Variants in RSPH10B observed in about 807,000 individuals in gnomAD.
RSPH10B encodes radial spoke head 10 homolog B.
A neutral mutation model predicts 52.5 loss-of-function variants in RSPH10B; 7 were observed. The observed-to-expected ratio is 0.13, with a 90% CI of 0.08 to 0.25. The LOEUF is 0.25. Among genes scored for constraint, RSPH10B ranks in the 10% least tolerant of loss-of-function variants. The probability of loss-of-function intolerance (pLI) is 1.00; values close to 1 mark genes in which losing one functional copy is unlikely to be tolerated. For missense variants in RSPH10B, 89 were observed against 542.5 expected (o/e 0.16, Z 8.30); for synonymous variants, 28 against 193.2 (o/e 0.14, Z 7.09).
chr7:5,943,677 A>G lies in RSPH10B; in HGVS notation c.1610-205T>C, dbSNP rs1471961114. Among the ~76,000 whole-genome samples, 8 of 148,938 alleles carry G rather than the reference A, an allele frequency of 5.4e-5. 1 individual carries two copies. Among genetic ancestry groups the G allele is most frequent in the Non-Finnish European group, 4.5e-5 (3 of 67,162 alleles). ...TCCTGCCTCAGCCTCCCGAGTAGCT[A>G]GGATTACAGGCATGCACCACCATAC... On this transcript the variant is annotated intron_variant, in intron 12 of 18. Transcript: ENST00000337579.
At chr7:5,933,015 CTTTTTTTT>C in intron 16 of RSPH10B, 140 bp from the exon 19 acceptor site, 3 of 27,308 alleles carry the variant, frequency 1.1e-4, no homozygotes, top group South Asian at 4.0e-4. Context: ...TTTAATTTGA[CTTTTTTTT>C]TTTTTTTTTT....
At chr7:5,928,356 A>G (rs1359355447) in exon 18 of RSPH10B, 3 of 1,613,112 alleles carry the variant, frequency 1.9e-6, no homozygotes, top group Non-Finnish European at 2.5e-6. Flanking sequence ...CACGTGTTGA[A>G]CTCTTCCTCT....
upstream of RSPH10B, among the ~76,000 whole-genome samples, chr7:5,968,663 C>T (rs1268011542): frequency 1.9e-4 from 13 of 68,060 alleles, 5 homozygotes; most frequent in East Asian, 4.2e-4. Flanking sequence ...CCCACCACCA[C>T]ACCTGGCTAA....
intron 18 of RSPH10B, among the ~76,000 whole-genome samples, chr7:5,927,039 GTGTGTGTATTA>G (rs1378467879): frequency 9.2e-4 from 38 of 41,222 alleles, no homozygotes; most frequent in East Asian, 2.8e-3. Context: ...GTGTGTGTGT[GTGTGTGTATTA>G]TGTGTGTGTG....
At chr7:5,942,611 C>T (rs1362400358) in intron 13 of RSPH10B, among the ~76,000 whole-genome samples, 13 of 146,022 alleles carry the variant, frequency 8.9e-5, no homozygotes, top group South Asian at 8.6e-4. Flanking sequence ...CCTGTAATTC[C>T]GGCACTTAGG....
intron 11 of RSPH10B, 23 bp from the exon 14 acceptor site, chr7:5,944,013 C>A (rs1434754330): frequency 6.2e-7 from 1 of 1,609,654 alleles, no homozygotes; most frequent in Non-Finnish European, 8.5e-7. Flanking sequence ...TCAAAAGATA[C>A]CATAGTTACT....
intron 18 of RSPH10B, among the ~76,000 whole-genome samples, chr7:5,927,070 A>ATATGTGTGTGTG (rs1554284566): frequency 3.1e-3 from 337 of 109,756 alleles, no homozygotes; most frequent in East Asian, 0.018. Context: ...GTGTGTGTAT[A>ATATGTGTGTGTG]TGTGTGTGTG....
rs1296968358 is a variant in RSPH10B at position 5,932,188 on chromosome 7, GAGGGAGGA to G, written c.2233+586_2233+593del. Among the ~76,000 whole-genome samples the G allele has an allele frequency of 4.0e-5, 5 of 125,016 alleles. No homozygotes were observed. The Admixed American group carries it at 4.3e-4, about 11-fold the overall frequency. 82.0% of individuals were successfully genotyped at this position (125,016 alleles called of 152,430 possible). ...CGGACACGGCTGAGGAATCAGACCAGAGGGAGGAAGCGCAGTCAGCAGACAGAGAGGCC... is the reference window on the plus strand; with the variant it reads ...CGGACACGGCTGAGGAATCAGACCAGAGCGCAGTCAGCAGACAGAGAGGCC... On this transcript the variant is annotated intron_variant, in intron 17 of 18. Transcript: ENST00000337579.
chr7:5,927,076 G>GTGTGTGTGTGTATGTATA (rs1779518238), intron 18 of RSPH10B, among the ~76,000 whole-genome samples: 7 of 131,606 alleles, frequency 5.3e-5, no homozygotes, highest in East Asian at 2.2e-4. Flanking sequence ...GTATATGTGT[G>GTGTGTGTGTGTATGTATA]TGTGTGTGTG....
At chr7:5,927,047 AT>A (rs1266340097) in intron 18 of RSPH10B, among the ~76,000 whole-genome samples, 1,138 of 51,184 alleles carry the variant, frequency 0.022, 18 homozygotes, top group South Asian at 0.069. Flanking sequence ...GTGTGTGTGT[AT>A]TATGTGTGTG....
At chr7:5,942,994 G>A (rs191114474) in intron 13 of RSPH10B, among the ~76,000 whole-genome samples, 13 of 147,338 alleles carry the variant, frequency 8.8e-5, no homozygotes, top group African/African-American at 3.0e-4. Context: ...TGAACTCCTT[G>A]ACCTCAGGTG....
chr7:5,927,048 T>TGTGTGTGTGTGTG (rs1347951159), intron 18 of RSPH10B, among the ~76,000 whole-genome samples: 6 of 70,894 alleles, frequency 8.5e-5, no homozygotes, highest in African/African-American at 2.6e-4. Flanking sequence ...TGTGTGTGTA[T>TGTGTGTGTGTGTG]TATGTGTGTG....
chr7:5,944,326 A>T (rs1237103818), intron 11 of RSPH10B, among the ~76,000 whole-genome samples: 4 of 150,830 alleles, frequency 2.7e-5, no homozygotes, highest in African/African-American at 9.8e-5. Context: ...GGAACCTGGG[A>T]GGTGGAGGTT....
At chr7:5,947,719 A>C (rs1468681396) in intron 10 of RSPH10B, among the ~76,000 whole-genome samples, 6 of 80,874 alleles carry the variant, frequency 7.4e-5, no homozygotes, top group South Asian at 4.8e-4. Flanking sequence ...CTGTCTCAAA[A>C]AAAACAAAAC....
At chr7:5,928,147 G>T (rs778336314) in intron 18 of RSPH10B, 49 bp downstream of exon 20, 1 of 1,603,530 alleles carries the variant, frequency 6.2e-7, no homozygotes, top group African/African-American at 1.3e-5. Flanking sequence ...ACGGAAGACA[G>T]GAAGAGAGAG....
chr7:5,927,029 G>GTGTGTGTGTGTGTATATTA (rs1779473868), intron 18 of RSPH10B, among the ~76,000 whole-genome samples: 8 of 32,912 alleles, frequency 2.4e-4, no homozygotes, highest in Admixed American at 4.0e-4. Flanking sequence ...TTACGTGTGT[G>GTGTGTGTGTGTGTATATTA]TGTGTGTGTG....
chr7:5,955,034 G>A (rs533301935), intron 7 of RSPH10B, among the ~76,000 whole-genome samples: 7 of 126,360 alleles, frequency 5.5e-5, no homozygotes, highest in African/African-American at 1.1e-4. Context: ...GCGTGGTGGC[G>A]CACACCTGTA....
chr7:5,950,500 G>A (rs1324645374), intron 9 of RSPH10B, among the ~76,000 whole-genome samples: 2 of 151,810 alleles, frequency 1.3e-5, no homozygotes, highest in African/African-American at 4.8e-5. Context: ...GAACGCGGGA[G>A]GCGGAGGTTG....
chr7:5,928,575 C>T (rs1368109099), intron 17 of RSPH10B, among the ~76,000 whole-genome samples, 181 bp from the exon 20 acceptor site: 1 of 151,016 alleles, frequency 6.6e-6, no homozygotes, highest in Admixed American at 6.6e-5. Context: ...CTCAGCAGAC[C>T]CTGGCTGGGA....
Sources: gnomAD v4.1 joint callset for allele counts (sites outside exome capture counted in the v4.1 genomes callset) on GRCh38, gnomAD v4.1.1 for gene constraint, MANE v1.5 for transcripts, NCBI Gene and HGNC (gene_info 2026-07-23, HGNC 2026-07-21) for gene names.